Variants in TRAIP observed in about 807,000 individuals in gnomAD.
The protein encoded by TRAIP is TRAF interacting protein, also known as E3 ubiquitin-protein ligase TRAIP.
TRAIP carries 37 observed loss-of-function variants against 65.0 expected under a neutral mutation model. The ratio of observed to expected loss-of-function variants is 0.57; its 90% CI spans 0.44 to 0.75. TRAIP has a LOEUF of 0.75. Ranked by LOEUF, TRAIP falls within the 30% of genes least tolerant of loss-of-function variation. The pLI, the probability that TRAIP is intolerant of heterozygous loss-of-function variation, is 0.00. For missense variants in TRAIP, 481 were observed against 579.4 expected (o/e 0.83, Z 1.74); for synonymous variants, 187 against 219.1 (o/e 0.85, Z 1.29).
rs755818776 is a variant in TRAIP at position 49,829,099 on chromosome 3, G to A, written c.*4C>T. ...TGTCTGGCCATTGGTCAGACTCACT[G>A]TTCTCACGACCACAGGAAGGTGTCC... On this transcript the variant is annotated 3_prime_UTR_variant, in exon 15 of 15. Transcript: ENST00000331456. The A allele has an allele frequency of 4.3e-6, 7 of 1,614,208 alleles. No individual in the cohort carries two copies. The South Asian group carries it at 4.4e-5, about 10-fold the overall frequency.
In TRAIP at chr3:49,842,435, A is replaced by G. The variant is rs747940219; in HGVS notation, c.503+18T>C. 4 of 1,613,218 alleles carry G rather than the reference A, an allele frequency of 2.5e-6. No individual in the cohort carries two copies. In the South Asian group the frequency reaches 4.4e-5, roughly 18 times the overall value. ...CCTGGGGGCAAAGGCACAGTGCAGGACCCAGCTCCAAACTCACTGCTCCAT... is the reference window on the plus strand; with the variant it reads ...CCTGGGGGCAAAGGCACAGTGCAGGGCCCAGCTCCAAACTCACTGCTCCAT... On this transcript the variant is annotated intron_variant, in intron 6 of 14. Transcript: ENST00000331456.
chr3:49,842,601 C>T, intron 5 of TRAIP, 54 bp from the exon 6 acceptor site: 1 of 1,523,382 alleles, frequency 6.6e-7, no homozygotes, highest in Non-Finnish European at 9.1e-7. Context: ...GGAGCCATTG[C>T]TAAAGTCACT....
chr3:49,835,679 C>A (rs1032217626), intron 10 of TRAIP, among the ~76,000 whole-genome samples: 1 of 152,026 alleles, frequency 6.6e-6, no homozygotes, highest in African/African-American at 2.4e-5. Context: ...GTGGCGCACA[C>A]CTGTAATCCC....
chr3:49,840,503 C>T, intron 8 of TRAIP, 130 bp from the exon 9 acceptor site: 1 of 733,342 alleles, frequency 1.4e-6, no homozygotes. Flanking sequence ...GATCCCAGCT[C>T]TCTGAGGCTA....
intron 1 of TRAIP, among the ~76,000 whole-genome samples, chr3:49,853,569 G>C (rs10865959): frequency 0.28 from 42,713 of 152,130 alleles, 6,229 homozygotes; most frequent in South Asian, 0.31. Flanking sequence ...AGATAGGCCA[G>C]GCACGGTAGC....
chr3:49,829,487 G>A lies in TRAIP; in HGVS notation c.1258C>T (p.Leu420Phe), dbSNP rs749448422. Residue 420 changes from leucine (L) to phenylalanine (F), a missense_variant, in exon 14 of 15, where the codon CTC becomes TTC. Coordinates refer to ENST00000331456, the MANE Select transcript of TRAIP (RefSeq NM_005879.3). ...KDVVRTGFDG[L>F]GGRTKFIQPT... ...TGGATGAATTTTGTCCGGCCACCGA[G>A]CCCATCGAAGCCTGTCCTTACCTAG... 5 of 1,614,122 alleles carry A rather than the reference G, an allele frequency of 3.1e-6. No homozygotes were observed. The highest frequency in any genetic ancestry group is 4.2e-6 in the Non-Finnish European group (5 of 1,180,016).
At chr3:49,850,899 G>A (rs886139489) in intron 1 of TRAIP, among the ~76,000 whole-genome samples, 4 of 151,522 alleles carry the variant, frequency 2.6e-5, no homozygotes, top group Non-Finnish European at 5.9e-5. Flanking sequence ...CACCCGCCTC[G>A]GACTCCCAAA....
intron 2 of TRAIP, among the ~76,000 whole-genome samples, 169 bp downstream of exon 2, chr3:49,847,974 G>A (rs1338779430): frequency 6.6e-6 from 1 of 152,250 alleles, no homozygotes; most frequent in Non-Finnish European, 1.5e-5. Context: ...ACCTGTGGGT[G>A]TAAGCAGACC....
intron 1 of TRAIP, among the ~76,000 whole-genome samples, chr3:49,855,035 G>A (rs2081960031): frequency 6.6e-6 from 1 of 152,174 alleles, no homozygotes; most frequent in Non-Finnish European, 1.5e-5. Context: ...CTGCACTGCA[G>A]CCTGTGTAAC....
At chr3:49,853,804 G>A (rs569654352) in intron 1 of TRAIP, among the ~76,000 whole-genome samples, 13 of 151,748 alleles carry the variant, frequency 8.6e-5, no homozygotes, top group Middle Eastern at 3.4e-3. Context: ...CCAAGATTGC[G>A]CCACTGCACT....
chr3:49,835,475 A>T (rs755574021), intron 10 of TRAIP, among the ~76,000 whole-genome samples: 16 of 152,176 alleles, frequency 1.1e-4, no homozygotes, highest in Non-Finnish European at 2.1e-4. Context: ...GAAGATGAAA[A>T]CATTCTGGAG....
intron 9 of TRAIP, 144 bp from the exon 10 acceptor site, chr3:49,840,004 G>A: frequency 1.2e-6 from 1 of 841,302 alleles, no homozygotes; most frequent in Non-Finnish European, 1.9e-6. Flanking sequence ...GGCTCAGGAG[G>A]CCAAGCCCCA....
At chr3:49,841,465 G>A (rs967564333) in intron 7 of TRAIP, among the ~76,000 whole-genome samples, 2 of 152,220 alleles carry the variant, frequency 1.3e-5, no homozygotes, top group Non-Finnish European at 2.9e-5. Context: ...ATCCCAGCCA[G>A]GCAGGATCAT....
intron 10 of TRAIP, among the ~76,000 whole-genome samples, chr3:49,834,708 TC>T (rs945159878): frequency 5.9e-5 from 9 of 151,722 alleles, no homozygotes; most frequent in Non-Finnish European, 4.4e-5. Context: ...AGTCTGCACA[TC>T]CCCCCCAAAC....
chr3:49,838,573 C>A (rs568991397), intron 10 of TRAIP, among the ~76,000 whole-genome samples: 1 of 152,274 alleles, frequency 6.6e-6, no homozygotes, highest in Admixed American at 6.5e-5. Context: ...CCTTCCAGCA[C>A]CCTGAAGAGG....
chr3:49,847,431 AGAG>A, intron 3 of TRAIP, 91 bp downstream of exon 3: 2 of 791,262 alleles, frequency 2.5e-6, no homozygotes, highest in Middle Eastern at 5.1e-4. Context: ...AGAGAAGAGA[AGAG>A]AAGAGAAGAG....
intron 6 of TRAIP, 44 bp from the exon 7 acceptor site, chr3:49,841,983 G>A: frequency 1.3e-6 from 2 of 1,496,610 alleles, no homozygotes; most frequent in East Asian, 4.5e-5. Flanking sequence ...TCTGGAGGCT[G>A]ATGGGTAGGT....
intron 3 of TRAIP, 36 bp downstream of exon 3, chr3:49,847,489 C>CT: frequency 7.2e-7 from 1 of 1,380,808 alleles, no homozygotes; most frequent in Non-Finnish European, 1.0e-6. Context: ...TCGCACAAGG[C>CT]TTGGAGTTCA....
intron 10 of TRAIP, among the ~76,000 whole-genome samples, chr3:49,837,082 C>T (rs768691746): frequency 6.6e-5 from 10 of 151,470 alleles, no homozygotes; most frequent in Non-Finnish European, 8.8e-5. Flanking sequence ...CTCAGCCTCC[C>T]GAGTAGGTGG....
Sources: gnomAD v4.1 joint callset for allele counts (sites outside exome capture counted in the v4.1 genomes callset) on GRCh38, gnomAD v4.1.1 for gene constraint, MANE v1.5 for transcripts, NCBI Gene and HGNC (gene_info 2026-07-23, HGNC 2026-07-21) for gene names.